Variants in KLF13 observed in about 807,000 individuals in gnomAD.
KLF13 encodes the protein Krueppel-like factor 13.
In KLF13, 8 loss-of-function variants were observed where a neutral mutation model predicts 16.7. The ratio of observed to expected loss-of-function variants is 0.48; its 90% confidence interval spans 0.28 to 0.87. The LOEUF (loss-of-function observed/expected upper bound fraction) is 0.87. KLF13 is among the 40% of genes least tolerant of loss of function. The pLI is 0.10. For missense variants in KLF13, 447 were observed against 452.2 expected, an observed-to-expected ratio of 0.99 and a Z score of 0.10; for synonymous variants, 245 against 208.4, an observed-to-expected ratio of 1.18 and a Z score of -1.51.
At chr15:31,393,434 T>G (rs1298617986) in intron 1 of KLF13, 1 of 8,280 alleles carries the variant, frequency 1.2e-4, no homozygotes, top group Non-Finnish European at 2.5e-4. Context: ...CCCCCCCCCG[T>G]CCCCCTCAGA....
chr15:31,329,890 A>G (rs1239607792), intron 1 of KLF13, among the ~76,000 whole-genome samples: 2 of 152,076 alleles, frequency 1.3e-5, no homozygotes, highest in Non-Finnish European at 2.9e-5. Flanking sequence ...AAGAATGCAG[A>G]TTTCCGGGCC....
chr15:31,364,392 A>T (rs2039432554), intron 1 of KLF13, among the ~76,000 whole-genome samples: 1 of 152,164 alleles, frequency 6.6e-6, no homozygotes, highest in African/African-American at 2.4e-5. Context: ...CTTGCATGTG[A>T]AGAGTGGATA....
intron 1 of KLF13, among the ~76,000 whole-genome samples, chr15:31,332,947 A>G (rs2038857775): frequency 6.6e-6 from 1 of 152,226 alleles, no homozygotes; most frequent in African/African-American, 2.4e-5. Context: ...TCTGCATGAG[A>G]GACCCTGGAA....
At chr15:31,386,211 T>A (rs1868854877) in intron 1 of KLF13, among the ~76,000 whole-genome samples, 1 of 152,204 alleles carries the variant, frequency 6.6e-6, no homozygotes, top group African/African-American at 2.4e-5. Context: ...AGAAAGAAAG[T>A]ATTAGGCTGG....
chr15:31,428,524 C>A (rs574789533), intron 1 of KLF13, among the ~76,000 whole-genome samples: 2 of 152,016 alleles, frequency 1.3e-5, no homozygotes, highest in East Asian at 3.9e-4. Flanking sequence ...TGCCAAGGAC[C>A]GGCCGCGGGC....
At chr15:31,390,835 T>A (rs2039854044), upstream of KLF13, among the ~76,000 whole-genome samples, 1 of 152,050 alleles carries the variant, frequency 6.6e-6, no homozygotes, top group Admixed American at 6.5e-5. Flanking sequence ...TTTTCCTTCT[T>A]TTCTTCTGGT....
At chr15:31,388,256 C>T (rs899764750), upstream of KLF13, among the ~76,000 whole-genome samples, 5 of 152,284 alleles carry the variant, frequency 3.3e-5, no homozygotes, top group South Asian at 2.1e-4. Context: ...AGAATGCATG[C>T]TCTGTGTACA....
intron 1 of KLF13, among the ~76,000 whole-genome samples, chr15:31,434,921 CACAAG>C (rs2040512244): frequency 6.6e-6 from 1 of 152,218 alleles, no homozygotes; most frequent in Admixed American, 6.5e-5. Context: ...AGACTGCAGA[CACAAG>C]TGCTGGCGGG....
intron 1 of KLF13, among the ~76,000 whole-genome samples, chr15:31,329,271 C>G (rs946473995): frequency 7.0e-6 from 1 of 142,882 alleles, no homozygotes; most frequent in Non-Finnish European, 1.5e-5. Context: ...GTGGGTGTGG[C>G]CCTGGGGGAG....
At chr15:31,367,045 C>A (rs1022031942) in intron 1 of KLF13, among the ~76,000 whole-genome samples, 1 of 152,216 alleles carries the variant, frequency 6.6e-6, no homozygotes, top group African/African-American at 2.4e-5. Context: ...AGCAGTGGCT[C>A]CCGCCCACAT....
chr15:31,334,390 C>T (rs2038890628), intron 1 of KLF13, among the ~76,000 whole-genome samples: 1 of 152,078 alleles, frequency 6.6e-6, no homozygotes, highest in African/African-American at 2.4e-5. Context: ...CAAAAATTGT[C>T]CTAAGTCCAC....
intron 1 of KLF13, among the ~76,000 whole-genome samples, chr15:31,355,435 A>T (rs2039285130): frequency 6.6e-6 from 1 of 152,240 alleles, no homozygotes; most frequent in Non-Finnish European, 1.5e-5. Flanking sequence ...AGAGTAGTGC[A>T]TGTGGTAATA....
intron 1 of KLF13, among the ~76,000 whole-genome samples, chr15:31,329,444 C>T (rs373848633): frequency 2.0e-4 from 30 of 152,004 alleles, no homozygotes; most frequent in Admixed American, 5.2e-4. Context: ...GTCAGGGTGG[C>T]CTGCCACTCG....
At chr15:31,359,991 C>T (rs772293242) in intron 1 of KLF13, among the ~76,000 whole-genome samples, 1 of 152,210 alleles carries the variant, frequency 6.6e-6, no homozygotes, top group Non-Finnish European at 1.5e-5. Context: ...AGTGGCTCCT[C>T]CCAGCTCTTG....
downstream of KLF13, among the ~76,000 whole-genome samples, chr15:31,381,525 C>A (rs1473738519): frequency 6.6e-6 from 1 of 152,156 alleles, no homozygotes; most frequent in African/African-American, 2.4e-5. Context: ...CTGCCCCCAA[C>A]CCTGAACTAG....
At chr15:31,336,237 G>C (rs552748016) in intron 1 of KLF13, among the ~76,000 whole-genome samples, 5 of 152,238 alleles carry the variant, frequency 3.3e-5, no homozygotes, top group Non-Finnish European at 7.3e-5. Context: ...GTCTGGCCTC[G>C]TTGGGGGACA....
chr15:31,354,169 C>G (rs955617187), intron 1 of KLF13, among the ~76,000 whole-genome samples: 3 of 152,188 alleles, frequency 2.0e-5, no homozygotes, highest in Non-Finnish European at 4.4e-5. Context: ...ACAGCAATGT[C>G]CAGTCCAGGA....
At position 31,427,628 on chromosome 15, in the gene KLF13, A is replaced by C. The variant is rs371384688; in HGVS notation, n.118-7742A>C. On this transcript the variant is annotated intron_variant and non_coding_transcript_variant, in intron 1 of 1. Coordinates refer to the KLF13 transcript ENST00000558225. ...ATACACATACAATGGTGTATGAGTC[A>C]TTTCTCACACTGTTATAAAGAAATA... is the stretch of plus-strand genomic sequence containing the variant. Among the ~76,000 whole-genome samples the C allele has an allele frequency of 1.6e-4, 25 of 152,338 alleles. No individual in the cohort carries two copies. The East Asian group carries it at 3.3e-3, about 20-fold the overall frequency.
At chr15:31,391,209 T>TG (rs1264229281), upstream of KLF13, among the ~76,000 whole-genome samples, 1 of 28,332 alleles carries the variant, frequency 3.5e-5, no homozygotes, top group African/African-American at 1.6e-4. Context: ...TGTGGTCCTG[T>TG]GGGGGGGCTG....
Sources: allele counts gnomAD v4.1 joint callset (sites outside exome capture counted in the v4.1 genomes callset), GRCh38; gene constraint gnomAD v4.1.1; transcripts MANE v1.5; gene names NCBI Gene and HGNC (gene_info 2026-07-23, HGNC 2026-07-21).